The following ZBTB20 variants were observed in gnomAD, a reference collection of about 807,000 sequenced individuals.
The protein encoded by ZBTB20 is zinc finger and BTB domain-containing protein 20.
In ZBTB20, 9 loss-of-function variants were observed where a neutral mutation model predicts 56.9. The ratio of observed to expected loss-of-function variants is 0.16; its 90% confidence interval spans 0.10 to 0.28. The LOEUF is 0.28. Ranked by LOEUF, ZBTB20 falls within the 10% of genes least tolerant of loss-of-function variation. The pLI is 1.00. For synonymous variants in ZBTB20, 417 were observed against 420.7 expected (o/e 0.99, Z 0.11); for missense variants, 655 against 1,003.0 (o/e 0.65, Z 4.69).
At chr3:114,364,602 A>G (rs966295343) in intron 10 of ZBTB20, among the ~76,000 whole-genome samples, 4 of 152,196 alleles carry the variant, frequency 2.6e-5, no homozygotes, top group African/African-American at 9.7e-5. Context: ...ACCACCATGC[A>G]TGCCTCTAGT....
intron 3 of ZBTB20, among the ~76,000 whole-genome samples, chr3:114,933,157 C>A (rs2076417003): frequency 6.6e-6 from 1 of 152,142 alleles, no homozygotes; most frequent in Non-Finnish European, 1.5e-5. Context: ...ATGAGTGACC[C>A]AAGCTATTAC....
intron 10 of ZBTB20, among the ~76,000 whole-genome samples, chr3:114,356,859 C>T (rs1464220748): frequency 6.6e-6 from 1 of 152,192 alleles, no homozygotes; most frequent in Non-Finnish European, 1.5e-5. Context: ...GTTCCATCCA[C>T]AGCAAATGAC....
rs1417087184 is a variant in ZBTB20, at chr3:114,325,174, C to T, written c.*13831G>A. ...TATGCAAATTACCCTTAATTTATAT[C>T]TCAATAGGCTCCTCAGGAAAACTGA... is the stretch of plus-strand genomic sequence containing the variant. On this transcript the variant is annotated 3_prime_UTR_variant, in exon 12 of 12. Transcript: ENST00000675478. 6.6e-6 allele frequency: 1 copy of T among 152,116 alleles called. No individual in the cohort carries two copies. The highest frequency in any genetic ancestry group is 2.4e-5 in the African/African-American group (1 of 41,414). The allele number at this position is 152,116 out of a possible 1,614,324, so 9.4% of individuals were successfully genotyped here.
chr3:114,675,522 C>T lies in ZBTB20; in HGVS notation c.-295+18006G>A, dbSNP rs115680996. ...TTTATGTATTCAGAAGAAGTAAAAT[C>T]ACAATTATATTTTACTTGACATTAC... On this transcript the variant is annotated intron_variant, in intron 6 of 11. Transcript: ENST00000675478. 2.4e-3 allele frequency among the ~76,000 whole-genome samples: 359 copies of T among 152,114 alleles called. 1 individual carries two copies. The highest frequency in any genetic ancestry group is 5.7e-3 in the Admixed American group (87 of 15,252).
Position 114,405,136 on chromosome 3 carries a change from G to T in ZBTB20, c.-254-16031C>A, listed in dbSNP as rs570916058. Among the ~76,000 whole-genome samples, 3 of 152,184 alleles carry T rather than the reference G, an allele frequency of 2.0e-5. No homozygotes were observed. In the South Asian group the frequency reaches 6.2e-4, roughly 32 times the overall value. On this transcript the variant is annotated intron_variant, in intron 7 of 11. Coordinates refer to ENST00000675478, the MANE Select transcript of ZBTB20 (RefSeq NM_001348800.3). ...GAACAAGCCCAATATAGAAGCTGTG[G>T]TATGTAAGAGAAAAGTTGTAGCCAT...
intron 4 of ZBTB20, among the ~76,000 whole-genome samples, chr3:114,896,264 T>C (rs1193372616): frequency 1.3e-5 from 2 of 152,130 alleles, no homozygotes; most frequent in African/African-American, 4.8e-5. Flanking sequence ...CTCAAAAGCA[T>C]TGAAAGCAGG....
intron 6 of ZBTB20, among the ~76,000 whole-genome samples, chr3:114,511,394 G>A (rs1265378235): frequency 6.6e-6 from 1 of 152,082 alleles, no homozygotes; most frequent in Non-Finnish European, 1.5e-5. Context: ...TGGCTTCAGA[G>A]TTTTAAAGAT....
intron 10 of ZBTB20, among the ~76,000 whole-genome samples, chr3:114,377,720 C>A (rs2108505650): frequency 1.3e-5 from 2 of 152,222 alleles, no homozygotes; most frequent in Middle Eastern, 6.8e-3. Flanking sequence ...ACAATGAGAG[C>A]AAATCCATAA....
At chr3:114,949,566 G>C (rs1174644878) in intron 3 of ZBTB20, among the ~76,000 whole-genome samples, 1 of 145,870 alleles carries the variant, frequency 6.9e-6, no homozygotes, top group East Asian at 1.9e-4. Flanking sequence ...TCGGGAGTTT[G>C]AGACCAGCCT....
intron 6 of ZBTB20, among the ~76,000 whole-genome samples, chr3:114,637,339 TA>T (rs1342141065): frequency 1.3e-5 from 2 of 152,124 alleles, no homozygotes; most frequent in Non-Finnish European, 2.9e-5. Flanking sequence ...CTTTATGCCT[TA>T]AATGGCTGTA....
In ZBTB20 at chr3:114,326,535, A is replaced by G. The variant is rs1269306811; in HGVS notation, c.*12470T>C. On this transcript the variant is annotated 3_prime_UTR_variant, in exon 12 of 12. Transcript: ENST00000675478. ...AGGCTTTTCTTTCTAAGGGGAAAAT[A>G]ATACAGTAAGGGTGAGCAGTTATTT... The G allele has an allele frequency of 6.6e-6, 1 of 152,196 alleles. No individual in the cohort carries two copies. Among genetic ancestry groups the G allele is most frequent in the Non-Finnish European group, 1.5e-5 (1 of 68,018 alleles). The allele number at this position is 152,196 out of a possible 1,614,324, so 9.4% of individuals were successfully genotyped here.
intron 1 of ZBTB20, among the ~76,000 whole-genome samples, chr3:115,121,277 G>T (rs1374926798): frequency 6.6e-6 from 1 of 151,984 alleles, no homozygotes; most frequent in Non-Finnish European, 1.5e-5. Context: ...CATACAAAAA[G>T]AGTACATAAT....
chr3:115,061,168 A>C (rs181816445), intron 2 of ZBTB20, among the ~76,000 whole-genome samples: 1 of 152,222 alleles, frequency 6.6e-6, no homozygotes, highest in Admixed American at 6.5e-5. Flanking sequence ...CACATCTATA[A>C]ATGGAGATAA....
intron 5 of ZBTB20, among the ~76,000 whole-genome samples, chr3:114,799,765 T>C (rs923702639): frequency 6.6e-6 from 1 of 151,910 alleles, no homozygotes; most frequent in Non-Finnish European, 1.5e-5. Context: ...GTGGGCAACA[T>C]ACACAAAGTG....
At position 114,448,828 on chromosome 3, in the gene ZBTB20, A is replaced by G. The variant is rs1055542052; in HGVS notation, c.-255+51524T>C. 2.3e-4 allele frequency among the ~76,000 whole-genome samples: 35 copies of G among 152,170 alleles called. 1 individual carries two copies. Among genetic ancestry groups the G allele is most frequent in the Admixed American group, 1.9e-3 (29 of 15,276 alleles). On this transcript the variant is annotated intron_variant, in intron 7 of 11. Coordinates refer to ENST00000675478, the MANE Select transcript of ZBTB20 (RefSeq NM_001348800.3). Reference sequence around the variant, plus strand: ...TAGTTCAGTGAATTTTTTATTACAGAAAAATAAAATATAATGAATTAACAA... The same window carrying G: ...TAGTTCAGTGAATTTTTTATTACAGGAAAATAAAATATAATGAATTAACAA...
At chr3:115,076,753 G>C (rs954829323) in intron 1 of ZBTB20, among the ~76,000 whole-genome samples, 2 of 152,160 alleles carry the variant, frequency 1.3e-5, no homozygotes, top group Non-Finnish European at 2.9e-5. Context: ...CTATGGAATA[G>C]AAGAAAATAT....
intron 2 of ZBTB20, among the ~76,000 whole-genome samples, chr3:115,042,558 A>G (rs1311177575): frequency 1.3e-5 from 2 of 152,198 alleles, no homozygotes; most frequent in Non-Finnish European, 2.9e-5. Context: ...TATTGAGTAC[A>G]TTCCAAAACA....
chr3:114,401,435 A>G (rs1342157884), intron 7 of ZBTB20, among the ~76,000 whole-genome samples: 2 of 152,186 alleles, frequency 1.3e-5, no homozygotes, highest in East Asian at 1.9e-4. Context: ...GCTTGTACCA[A>G]CTAGCTTCAA....
At chr3:114,562,177 ATTT>A (rs1335224940) in intron 6 of ZBTB20, among the ~76,000 whole-genome samples, 1 of 136,456 alleles carries the variant, frequency 7.3e-6, no homozygotes, top group African/African-American at 2.7e-5. Context: ...GGCTGGTTTG[ATTT>A]TTTTTTTTTT....
Sources: gnomAD v4.1 joint callset for allele counts (sites outside exome capture counted in the v4.1 genomes callset) on GRCh38, gnomAD v4.1.1 for gene constraint, MANE v1.5 for transcripts, NCBI Gene and HGNC (gene_info 2026-07-23, HGNC 2026-07-21) for gene names.